Variants in PRDM15 observed in about 807,000 individuals in gnomAD.
The protein encoded by PRDM15 is PR domain zinc finger protein 15.
In PRDM15, 64 loss-of-function variants were observed where a neutral mutation model predicts 128.6. That is an observed-to-expected ratio of 0.50 (90% CI 0.41 to 0.61). PRDM15 has a LOEUF of 0.61. Ranked by LOEUF, PRDM15 falls within the 20% of genes least tolerant of loss-of-function variation. The pLI is 0.00. For missense variants in PRDM15, 1,242 were observed against 1,569.1 expected, an observed-to-expected ratio of 0.79 and a Z score of 3.52; for synonymous variants, 615 against 621.8, an observed-to-expected ratio of 0.99 and a Z score of 0.16.
intron 7 of PRDM15, among the ~76,000 whole-genome samples, chr21:41,838,372 A>G (rs9982346): frequency 0.25 from 38,178 of 152,178 alleles, 4,963 homozygotes; most frequent in East Asian, 0.29. Context: ...CATTTTGGAT[A>G]TATAGCAGAA....
At chr21:41,858,492 T>C (rs1162398505) in intron 3 of PRDM15, among the ~76,000 whole-genome samples, 1 of 149,304 alleles carries the variant, frequency 6.7e-6, no homozygotes, top group Non-Finnish European at 1.5e-5. Context: ...GAGGCGGACA[T>C]TGGGTGCCCA....
chr21:41,822,772 C>A (rs1053832298), intron 14 of PRDM15, among the ~76,000 whole-genome samples: 19 of 152,116 alleles, frequency 1.2e-4, no homozygotes, highest in Non-Finnish European at 2.8e-4. Context: ...TGGTGGCTCA[C>A]GCCTGTAATC....
chr21:41,865,114 A>G (rs61680193), intron 1 of PRDM15, among the ~76,000 whole-genome samples: 5,211 of 128,058 alleles, frequency 0.041, 337 homozygotes, highest in African/African-American at 0.15. Flanking sequence ...CCTCTCTGCC[A>G]TGCCTGCTCA....
intron 4 of PRDM15, among the ~76,000 whole-genome samples, chr21:41,856,261 C>T (rs375531174): frequency 7.7e-4 from 21 of 27,314 alleles, no homozygotes; most frequent in East Asian, 4.1e-3. Context: ...TCCCTCCCCT[C>T]CCTTCCTTCC....
rs1448816512 is a variant in PRDM15 at position 41,821,354 on chromosome 21, G to A, written c.1897-124C>T. On this transcript the variant is annotated intron_variant, in intron 15 of 23. Coordinates refer to ENST00000398548, the MANE Select transcript of PRDM15 (RefSeq NM_001040424.3). The surrounding 1 kb of genome is among the most constrained non-coding windows in gnomAD (Gnocchi z 5.4). ...CCCTGAGAGCCCATGACTCATGCCA[G>A]GGTGGAAGGGACTCTCAGAGGCTTG... 8.9e-7 allele frequency: 1 copy of A among 1,128,392 alleles called. No individual in the cohort carries two copies. The highest frequency in any genetic ancestry group is 1.3e-6 in the Non-Finnish European group (1 of 791,398). The allele number at this position is 1,128,392 out of a possible 1,614,324, so 69.9% of individuals were successfully genotyped here.
At chr21:41,850,783 C>A (rs190718973) in intron 5 of PRDM15, among the ~76,000 whole-genome samples, 1 of 152,180 alleles carries the variant, frequency 6.6e-6, no homozygotes, top group African/African-American at 2.4e-5. Flanking sequence ...AAATCCACTA[C>A]CAGAAAAAAA....
At chr21:41,825,057 G>A (rs1290125269) in intron 13 of PRDM15, among the ~76,000 whole-genome samples, 1 of 152,244 alleles carries the variant, frequency 6.6e-6, no homozygotes, top group African/African-American at 2.4e-5. Flanking sequence ...TGAGCGACGT[G>A]CTGGAGCTGC....
At chr21:41,844,485 CACACACAGTCCCTCCCCCCTCACAGGG>C in intron 6 of PRDM15, among the ~76,000 whole-genome samples, 2 of 107,598 alleles carry the variant, frequency 1.9e-5, no homozygotes, top group African/African-American at 3.8e-5. Flanking sequence ...CACAGGGACA[CACACACAGTCCCTCCCCCCTCACAGGG>C]ACACACACAG....
At chr21:41,807,420 T>A (rs1477511531) in intron 21 of PRDM15, among the ~76,000 whole-genome samples, 1 of 152,106 alleles carries the variant, frequency 6.6e-6, no homozygotes, top group East Asian at 1.9e-4. Context: ...TCCTCCTGAA[T>A]CTGTGGCATC....
At position 41,836,459 on chromosome 21, in the gene PRDM15, C is replaced by G; in HGVS notation, c.1183+9G>C. Reference sequence around the variant, plus strand: ...GGCCCCGGGCGCCAGCCGGGCCTCGCGGACTCACCATGCGAGCGCACGTGC... The same window carrying G: ...GGCCCCGGGCGCCAGCCGGGCCTCGGGGACTCACCATGCGAGCGCACGTGC... On this transcript the variant is annotated intron_variant, in intron 9 of 23. Coordinates refer to ENST00000398548, the MANE Select transcript of PRDM15 (RefSeq NM_001040424.3). The G allele has an allele frequency of 6.2e-7, 1 of 1,604,266 alleles. No homozygotes were observed. Among genetic ancestry groups the G allele is most frequent in the Non-Finnish European group, 8.5e-7 (1 of 1,173,712 alleles).
rs2063535483 is a variant in PRDM15 at position 41,854,938 on chromosome 21, AGGGCTCCTGTAC to A, written c.286-132_286-121del. 9.0e-7 allele frequency: 1 copy of A among 1,116,276 alleles called. No homozygotes were observed. The highest frequency in any genetic ancestry group is 1.3e-6 in the Non-Finnish European group (1 of 798,094). The allele number at this position is 1,116,276 out of a possible 1,614,324, so 69.1% of individuals were successfully genotyped here. On this transcript the variant is annotated intron_variant, in intron 4 of 23. Transcript: ENST00000398548. The surrounding 1 kb of genome is among the most constrained non-coding windows in gnomAD (Gnocchi z 4.6). ...AGACAGTGCCACGTCAGAGGCCATA[AGGGCTCCTGTAC>A]GGGATGTTGAGGTGTTTACAATAGT...
intron 22 of PRDM15, among the ~76,000 whole-genome samples, chr21:41,803,469 C>A (rs116419689): frequency 0.026 from 3,974 of 152,344 alleles, 186 homozygotes; most frequent in African/African-American, 0.09. Context: ...TGACCACATC[C>A]TCTGAACCGG....
In PRDM15 at chr21:41,839,606, C is replaced by T. The variant is rs369416250; in HGVS notation, c.871+17G>A. The T allele has an allele frequency of 4.9e-5, 79 of 1,610,992 alleles. No homozygotes were observed. The African/African-American group carries it at 8.6e-4, about 17-fold the overall frequency. On this transcript the variant is annotated intron_variant, in intron 7 of 23. Coordinates refer to ENST00000398548, the MANE Select transcript of PRDM15 (RefSeq NM_001040424.3). ...TGCGCCCCACGCAGGCACTCATCCC[C>T]GGGACCCGCTCATCACCTGTGGGTT...
chr21:41,847,201 A>G lies in PRDM15; in HGVS notation c.539-10T>C. On this transcript the variant is annotated splice_polypyrimidine_tract_variant and intron_variant, in intron 5 of 23. Transcript: ENST00000398548. ...TCTGGGGTGCCTGCAGCTTCAAAAG[A>G]CATGAGAGGAGAAAAAGGTGACCCC... 6.5e-7 allele frequency: 1 copy of G among 1,542,006 alleles called. No individual in the cohort carries two copies. Among genetic ancestry groups the G allele is most frequent in the Non-Finnish European group, 8.8e-7 (1 of 1,139,812 alleles).
chr21:41,876,800 C>G (rs888315732), intron 1 of PRDM15, among the ~76,000 whole-genome samples: 4 of 152,238 alleles, frequency 2.6e-5, no homozygotes, highest in African/African-American at 9.6e-5. Context: ...GCAGGCCTGC[C>G]TGGCTCTGGA....
At chr21:41,857,149 G>A in intron 4 of PRDM15, 27 bp downstream of exon 4, 2 of 1,595,304 alleles carry the variant, frequency 1.3e-6, no homozygotes, top group Non-Finnish European at 1.7e-6. Context: ...CCCAGTTCCT[G>A]AGCTCCTGTT....
In PRDM15 at chr21:41,832,983, C is replaced by G. The variant is rs1042735251; in HGVS notation, c.1366+2454G>C. On this transcript the variant is annotated intron_variant, in intron 11 of 23. Transcript: ENST00000398548. This position sits in a 1 kb window ranked among gnomAD's most constrained non-coding sequence, Gnocchi z 4.2. ...CACTGGGTCCCAACAATGCTTCTCC[C>G]TCCAATAACCCTGCGCCGAGGGGAT... Among the ~76,000 whole-genome samples, 1 of 152,190 alleles carries G rather than the reference C, an allele frequency of 6.6e-6. No individual in the cohort carries two copies. Among genetic ancestry groups the G allele is most frequent in the Non-Finnish European group, 1.5e-5 (1 of 68,046 alleles).
chr21:41,809,143 G>A (rs1203732232), intron 21 of PRDM15, among the ~76,000 whole-genome samples: 1 of 152,164 alleles, frequency 6.6e-6, no homozygotes, highest in Non-Finnish European at 1.5e-5. Context: ...CACCCTGAGT[G>A]CGCTTCGCGT....
At chr21:41,860,408 C>T (rs1196412154) in intron 1 of PRDM15, 36 bp from the exon 2 acceptor site, 1 of 1,590,756 alleles carries the variant, frequency 6.3e-7, no homozygotes, top group Non-Finnish European at 8.6e-7. Context: ...TAATGACAAG[C>T]TCTTACCAAA....
Sources: allele counts gnomAD v4.1 joint callset (sites outside exome capture counted in the v4.1 genomes callset), GRCh38; gene constraint gnomAD v4.1.1; non-coding constraint Gnocchi (gnomAD v3.1); transcripts MANE v1.5; gene names NCBI Gene and HGNC (gene_info 2026-07-23, HGNC 2026-07-21).